The following KCNJ3 variants were observed in gnomAD, a reference collection of about 807,000 sequenced individuals.
KCNJ3 encodes G protein-activated inward rectifier potassium channel 1.
In KCNJ3, 4 loss-of-function variants were observed where a neutral mutation model predicts 39.2. The observed-to-expected ratio is 0.10, with a 90% CI of 0.05 to 0.23. The LOEUF (loss-of-function observed/expected upper bound fraction) is 0.23. KCNJ3 is among the 10% of genes least tolerant of loss of function. KCNJ3 has a pLI of 1.00. For missense variants in KCNJ3, 276 were observed against 634.9 expected (o/e 0.43, Z 6.08); for synonymous variants, 230 against 237.4 (o/e 0.97, Z 0.29).
At chr2:154,827,388 T>C (rs538643368) in intron 2 of KCNJ3, among the ~76,000 whole-genome samples, 90 of 152,322 alleles carry the variant, frequency 5.9e-4, no homozygotes, top group African/African-American at 2.1e-3. Context: ...ATAAAATCTA[T>C]TATCGTCCTG....
chr2:154,812,949 A>G (rs1687027687), intron 2 of KCNJ3, among the ~76,000 whole-genome samples: 1 of 152,170 alleles, frequency 6.6e-6, no homozygotes, highest in Non-Finnish European at 1.5e-5. Context: ...TATATCTTAT[A>G]TATGTTAGTG....
chr2:154,847,348 A>G (rs1384468279), intron 2 of KCNJ3, among the ~76,000 whole-genome samples: 4 of 152,204 alleles, frequency 2.6e-5, no homozygotes, highest in African/African-American at 4.8e-5. Flanking sequence ...TACAGTTAAT[A>G]TATCTTGGAA....
At chr2:154,757,967 G>A (rs981800028) in intron 2 of KCNJ3, among the ~76,000 whole-genome samples, 16 of 152,066 alleles carry the variant, frequency 1.1e-4, no homozygotes, top group Admixed American at 1.0e-3. Context: ...AATTTGGGGA[G>A]GACATGAATA....
intron 2 of KCNJ3, among the ~76,000 whole-genome samples, chr2:154,764,123 T>C (rs1232361498): frequency 6.6e-6 from 1 of 152,230 alleles, no homozygotes; most frequent in South Asian, 2.1e-4. Flanking sequence ...TACTACATGA[T>C]TGAATTTCTT....
intron 2 of KCNJ3, among the ~76,000 whole-genome samples, chr2:154,832,583 G>T (rs138959602): frequency 8.4e-4 from 128 of 152,276 alleles, no homozygotes; most frequent in Admixed American, 1.5e-3. Context: ...TCTGAAGACA[G>T]ATTAAGAAAA....
At chr2:154,779,232 C>T (rs989448266) in intron 2 of KCNJ3, among the ~76,000 whole-genome samples, 2 of 151,698 alleles carry the variant, frequency 1.3e-5, no homozygotes, top group Non-Finnish European at 2.9e-5. Context: ...GGTTTTGAGT[C>T]ACTTACCTCT....
intron 2 of KCNJ3, among the ~76,000 whole-genome samples, chr2:154,774,238 G>T (rs914799797): frequency 2.0e-5 from 3 of 152,060 alleles, no homozygotes; most frequent in Non-Finnish European, 4.4e-5. Flanking sequence ...CTTTAAAGGA[G>T]ATTTTATAGA....
At chr2:154,826,751 T>C (rs1687277774) in intron 2 of KCNJ3, among the ~76,000 whole-genome samples, 1 of 145,874 alleles carries the variant, frequency 6.9e-6, no homozygotes, top group Admixed American at 7.0e-5. Flanking sequence ...AGAGCACCAA[T>C]TTTGTTACAC....
At chr2:154,754,458 A>G (rs975981967) in intron 2 of KCNJ3, among the ~76,000 whole-genome samples, 2 of 152,112 alleles carry the variant, frequency 1.3e-5, no homozygotes, top group South Asian at 4.1e-4. Context: ...TATTTTTAGT[A>G]GAGATGGGGT....
In KCNJ3 at chr2:154,717,079, C is replaced by T. The variant is rs73019273; in HGVS notation, c.919+7260C>T. Among the ~76,000 whole-genome samples the T allele has an allele frequency of 9.7e-3, 1,474 of 152,246 alleles. 19 individuals are homozygous for T. The highest frequency in any genetic ancestry group is 0.034 in the African/African-American group (1,397 of 41,538). The stretch of plus-strand genomic sequence containing the variant: ...TAATGGATTTCTTCCAAAGGAGGTC[C>T]GAGAAGTCTCTCCTGAGAACATGGT... On this transcript the variant is annotated intron_variant, in intron 2 of 2. Transcript: ENST00000295101.
At chr2:154,777,602 T>C (rs1431914794) in intron 2 of KCNJ3, among the ~76,000 whole-genome samples, 1 of 152,234 alleles carries the variant, frequency 6.6e-6, no homozygotes, top group Non-Finnish European at 1.5e-5. Flanking sequence ...GGAAGTGGTA[T>C]TATTATTAGT....
chr2:154,715,473 G>A (rs1558854346), intron 2 of KCNJ3, among the ~76,000 whole-genome samples: 1 of 152,172 alleles, frequency 6.6e-6, no homozygotes, highest in Non-Finnish European at 1.5e-5. Flanking sequence ...TAGCACAAGA[G>A]TGGCATATTT....
At chr2:154,831,010 T>G (rs960766651) in intron 2 of KCNJ3, among the ~76,000 whole-genome samples, 9 of 152,198 alleles carry the variant, frequency 5.9e-5, no homozygotes, top group Non-Finnish European at 1.0e-4. Flanking sequence ...CCTGTTAAAT[T>G]TCCCTTCTAA....
At chr2:154,775,088 T>G (rs1349956438) in intron 2 of KCNJ3, among the ~76,000 whole-genome samples, 3 of 152,126 alleles carry the variant, frequency 2.0e-5, no homozygotes, top group Non-Finnish European at 4.4e-5. Context: ...GACTAATTTT[T>G]GTACTTTTTG....
At chr2:154,804,474 A>C (rs1185968225) in intron 2 of KCNJ3, among the ~76,000 whole-genome samples, 1 of 152,118 alleles carries the variant, frequency 6.6e-6, no homozygotes, top group African/African-American at 2.4e-5. Context: ...GTTTTAGAAG[A>C]TATTTCACAT....
chr2:154,771,652 T>C (rs2105196558), intron 2 of KCNJ3, among the ~76,000 whole-genome samples: 1 of 152,304 alleles, frequency 6.6e-6, no homozygotes, highest in African/African-American at 2.4e-5. Flanking sequence ...AGCAATTGTG[T>C]TCCATTACAG....
At chr2:154,746,291 T>C (rs1368739263) in intron 2 of KCNJ3, among the ~76,000 whole-genome samples, 1 of 151,898 alleles carries the variant, frequency 6.6e-6, no homozygotes, top group Non-Finnish European at 1.5e-5. Context: ...GGTTAAGTTT[T>C]GGAAAGTCAA....
At chr2:154,774,441 T>C (rs1574457547) in intron 2 of KCNJ3, among the ~76,000 whole-genome samples, 2 of 152,246 alleles carry the variant, frequency 1.3e-5, no homozygotes, top group South Asian at 2.1e-4. Flanking sequence ...TAACATATTA[T>C]ATAAAATATT....
intron 2 of KCNJ3, among the ~76,000 whole-genome samples, chr2:154,808,743 A>G (rs1285551477): frequency 6.6e-6 from 1 of 152,136 alleles, no homozygotes; most frequent in Non-Finnish European, 1.5e-5. Context: ...TACCCATGAG[A>G]CAATCAAGAA....
Sources: allele counts gnomAD v4.1 joint callset (sites outside exome capture counted in the v4.1 genomes callset), GRCh38; gene constraint gnomAD v4.1.1; transcripts MANE v1.5; gene names NCBI Gene and HGNC (gene_info 2026-07-23, HGNC 2026-07-21).